Variants in FBXL13 observed in about 807,000 individuals in gnomAD.
FBXL13 encodes the protein F-box and leucine rich repeat protein 13.
In FBXL13, 67 loss-of-function variants were observed where a neutral mutation model predicts 83.6. The observed-to-expected ratio is 0.80, with a 90% CI of 0.66 to 0.98. The LOEUF is 0.98. Ranked by LOEUF, FBXL13 falls within the 50% of genes least tolerant of loss-of-function variation. FBXL13 has a pLI of 0.00. For missense variants in FBXL13, 822 were observed against 866.5 expected (o/e 0.95, Z 0.64); for synonymous variants, 272 against 299.5 (o/e 0.91, Z 0.95).
intron 6 of FBXL13, among the ~76,000 whole-genome samples, chr7:103,016,597 G>A (rs980957094): frequency 2.6e-5 from 4 of 152,088 alleles, no homozygotes; most frequent in African/African-American, 4.8e-5. Flanking sequence ...GGTGACAGAC[G>A]GCACCTGGAA....
chr7:102,932,835 T>C (rs1411251955), intron 8 of FBXL13, among the ~76,000 whole-genome samples: 5 of 152,134 alleles, frequency 3.3e-5, no homozygotes, highest in Non-Finnish European at 7.3e-5. Context: ...TCTCAAGAGA[T>C]CTGACTGCCT....
At chr7:102,982,316 T>C (rs1313689248) in intron 6 of FBXL13, among the ~76,000 whole-genome samples, 1 of 152,104 alleles carries the variant, frequency 6.6e-6, no homozygotes, top group Non-Finnish European at 1.5e-5. Context: ...TGCTAGTAGG[T>C]TACTAGGGGT....
At position 103,018,303 on chromosome 7, in the gene FBXL13, T is replaced by C. The variant is rs548425966; in HGVS notation, c.495+6760A>G. On this transcript the variant is annotated intron_variant, in intron 6 of 19. Transcript: ENST00000313221. ...AGATTTTGTCACCACTAGGCCTGCC[T>C]TACAAGAGCTCCTGAAGGAAGCACT... Among the ~76,000 whole-genome samples the C allele has an allele frequency of 2.3e-3, 348 of 152,158 alleles. 1 individual carries two copies. Among genetic ancestry groups the C allele is most frequent in the Middle Eastern group, 0.02 (6 of 294 alleles).
rs574932689 is a variant in FBXL13, at chr7:102,990,202, A to C, written c.496-22085T>G. On this transcript the variant is annotated intron_variant, in intron 6 of 19. Transcript: ENST00000313221. ...TAGTAAGAATGTAGGGCAAAGAGAG[A>C]GAGCCAAAGCCAACATCTGGAGGTA... Among the ~76,000 whole-genome samples, 353 of 152,360 alleles carry C rather than the reference A, an allele frequency of 2.3e-3. 3 individuals are homozygous for C. The highest frequency in any genetic ancestry group is 7.5e-3 in the South Asian group (36 of 4,828).
intron 6 of FBXL13, among the ~76,000 whole-genome samples, chr7:103,019,359 C>T (rs1213199105): frequency 6.6e-6 from 1 of 152,122 alleles, no homozygotes; most frequent in African/African-American, 2.4e-5. Context: ...TAAATGCCCA[C>T]AAGAGAAAGC....
chr7:103,016,972 G>T (rs554964736), intron 6 of FBXL13, among the ~76,000 whole-genome samples: 48 of 152,342 alleles, frequency 3.2e-4, no homozygotes, highest in African/African-American at 1.1e-3. Context: ...GCTTTGAAGA[G>T]AGTAGTGGTT....
intron 17 of FBXL13, among the ~76,000 whole-genome samples, chr7:102,843,558 TGAG>T (rs147466386): frequency 0.13 from 19,476 of 152,042 alleles, 1,398 homozygotes; most frequent in East Asian, 0.29. Flanking sequence ...GTGGATCACT[TGAG>T]GTCAGGAGTT....
At chr7:103,012,047 AATC>A (rs1424629107) in intron 6 of FBXL13, among the ~76,000 whole-genome samples, 4 of 152,150 alleles carry the variant, frequency 2.6e-5, no homozygotes, top group Non-Finnish European at 4.4e-5. Context: ...CAAGACACAT[AATC>A]ATCAGATTCT....
chr7:102,834,089 A>AGGAAGGAAG (rs1291419171), intron 17 of FBXL13, among the ~76,000 whole-genome samples: 40 of 68,452 alleles, frequency 5.8e-4, no homozygotes, highest in South Asian at 3.5e-3. Context: ...AGGAAAGAAA[A>AGGAAGGAAG]GAAAGAAAGA....
At chr7:103,026,872 T>A (rs779432202) in intron 5 of FBXL13, among the ~76,000 whole-genome samples, 17 of 152,172 alleles carry the variant, frequency 1.1e-4, no homozygotes, top group Non-Finnish European at 2.2e-4. Flanking sequence ...TACTAAATAA[T>A]GTAACTACAG....
At chr7:103,024,863 T>A (rs1174815617) in intron 6 of FBXL13, among the ~76,000 whole-genome samples, 200 bp downstream of exon 7, 25 of 126,756 alleles carry the variant, frequency 2.0e-4, no homozygotes, top group East Asian at 4.4e-4. Context: ...ATATATTTTT[T>A]TTTTTTTTTT....
rs569027801 is a variant in FBXL13 at position 102,851,457 on chromosome 7, C to T, written c.1719+3320G>A. Among the ~76,000 whole-genome samples the T allele has an allele frequency of 7.0e-3, 1,029 of 146,730 alleles. 14 individuals carry two copies. Among genetic ancestry groups the T allele is most frequent in the African/African-American group, 0.024 (938 of 39,100 alleles). On this transcript the variant is annotated intron_variant, in intron 17 of 19. Transcript: ENST00000313221. ...CTTTCTTCCCTCCTTCCTTCCTTCC[C>T]TCCCTCCCTCCCTTCCTTTCTTCCC...
chr7:103,013,791 G>A (rs1390988462), intron 6 of FBXL13, among the ~76,000 whole-genome samples: 1 of 151,084 alleles, frequency 6.6e-6, no homozygotes, highest in African/African-American at 2.4e-5. Context: ...AGTCAGAGAC[G>A]AACTAAAGGA....
At chr7:103,029,200 A>G in intron 3 of FBXL13, 151 bp downstream of exon 4, 2 of 451,034 alleles carry the variant, frequency 4.4e-6, no homozygotes, top group South Asian at 4.1e-5. Context: ...AAAGCTGATT[A>G]AATATAAAAG....
exon 15 of FBXL13, chr7:102,878,425 A>G (rs762252039): frequency 6.2e-7 from 1 of 1,607,694 alleles, no homozygotes; most frequent in Non-Finnish European, 8.5e-7. Context: ...CCATCAAGAA[A>G]TTGCTTTAGT....
intron 10 of FBXL13, among the ~76,000 whole-genome samples, chr7:102,915,323 A>T (rs1017773350): frequency 3.9e-5 from 6 of 152,202 alleles, no homozygotes; most frequent in African/African-American, 1.2e-4. Context: ...ATAGTAGAAG[A>T]TTTAAAACTA....
At chr7:102,824,210 C>G (rs962841344) in intron 18 of FBXL13, among the ~76,000 whole-genome samples, 1 of 152,206 alleles carries the variant, frequency 6.6e-6, no homozygotes, top group Non-Finnish European at 1.5e-5. Context: ...ATATAAGGTC[C>G]TGCTCCCAGC....
rs185504477 is a variant in FBXL13 at position 103,037,271 on chromosome 7, T to C, written c.1-7853A>G. 1.1e-4 allele frequency among the ~76,000 whole-genome samples: 16 copies of C among 152,318 alleles called. No homozygotes were observed. In the East Asian group the frequency reaches 1.2e-3, roughly 11 times the overall value. ...AATACCTTTGCAGAGCCAACAAGGATACAGGATCAACCAACTGATTATCAA... is the reference window on the plus strand; with the variant it reads ...AATACCTTTGCAGAGCCAACAAGGACACAGGATCAACCAACTGATTATCAA... On this transcript the variant is annotated intron_variant, in intron 2 of 19. Transcript: ENST00000313221.
At chr7:102,867,959 C>G (rs540317089) in intron 16 of FBXL13, among the ~76,000 whole-genome samples, 1 of 151,822 alleles carries the variant, frequency 6.6e-6, no homozygotes, top group African/African-American at 2.4e-5. Flanking sequence ...ACCTCGGCCT[C>G]CCAAAGTGCT....
Sources: gnomAD v4.1 joint callset for allele counts (sites outside exome capture counted in the v4.1 genomes callset) on GRCh38, gnomAD v4.1.1 for gene constraint, MANE v1.5 for transcripts, NCBI Gene and HGNC (gene_info 2026-07-23, HGNC 2026-07-21) for gene names.